TMEM170A: variants seen among roughly 807,000 people sequenced by gnomAD.
The protein encoded by TMEM170A is transmembrane protein 170.
A neutral mutation model predicts 12.8 loss-of-function variants in TMEM170A; 18 were observed. The observed-to-expected ratio is 1.41, with a 90% CI of 0.97 to 2.09. TMEM170A has a LOEUF of 2.09. Among genes scored for constraint, TMEM170A ranks in the 30% most tolerant of loss-of-function variants. The probability of loss-of-function intolerance (pLI) is 0.00; values close to 1 mark genes in which losing one functional copy is unlikely to be tolerated. For synonymous variants in TMEM170A, 107 were observed against 76.2 expected (o/e 1.40, Z -2.11); for missense variants, 220 against 179.9 (o/e 1.22, Z -1.28).
rs532067971 is a variant in TMEM170A, at chr16:75,446,308, T to C, written c.*1250A>G. ...AGGTGGAAAGGATCACATTAAATAC[T>C]TAATTTCTGCGATTCTTTCCCTCTC... On this transcript the variant is annotated 3_prime_UTR_variant, in exon 3 of 3. Coordinates refer to ENST00000561878, the MANE Select transcript of TMEM170A (RefSeq NM_145254.3). 2.2e-4 allele frequency: 34 copies of C among 152,328 alleles called. No individual in the cohort carries two copies. The highest frequency in any genetic ancestry group is 8.2e-4 in the African/African-American group (34 of 41,584). 9.4% of individuals were successfully genotyped at this position (152,328 alleles called of 1,614,324 possible).
At position 75,443,832 on chromosome 16, in the gene TMEM170A, T is replaced by C. The variant is rs1037422492; in HGVS notation, c.*3726A>G. ...GGCCAAGCATGATGGCTCATGTCTA[T>C]AGTCCCATCACGTTGGGAGGCCGAG... On this transcript the variant is annotated 3_prime_UTR_variant, in exon 3 of 3. Coordinates refer to ENST00000561878, the MANE Select transcript of TMEM170A (RefSeq NM_145254.3). The C allele has an allele frequency of 2.0e-5, 3 of 152,238 alleles. No homozygotes were observed. The highest frequency in any genetic ancestry group is 2.4e-5 in the African/African-American group (1 of 41,464). The allele number at this position is 152,238 out of a possible 1,614,324, so 9.4% of individuals were successfully genotyped here.
At chr16:75,451,936 C>G (rs1375032913) in intron 1 of TMEM170A, 97 bp from the exon 2 acceptor site, 1 of 1,136,098 alleles carries the variant, frequency 8.8e-7, no homozygotes, top group East Asian at 2.7e-5. Context: ...ATTTTCAACA[C>G]CGTTTCTTTT....
In TMEM170A at chr16:75,451,670, TG is replaced by T; in HGVS notation, c.302del (p.Thr101LysfsTer16). 6.2e-7 allele frequency: 1 copy of T among 1,614,174 alleles called. No individual in the cohort carries two copies. Among genetic ancestry groups the T allele is most frequent in the Non-Finnish European group, 8.5e-7 (1 of 1,180,016 alleles). The part of the protein sequence containing the change: ...IVGPITAGIL[T>X]SAAIAGVYRA... ...CTGGTATTTTAATGTCTAACATACTTGTCAAGATTCCAGCAGTAATTGGTCC... is the reference window on the plus strand; with the variant it reads ...CTGGTATTTTAATGTCTAACATACTTTCAAGATTCCAGCAGTAATTGGTCC... On this transcript the variant is annotated frameshift_variant and splice_region_variant, in exon 2 of 3. Transcript: ENST00000561878. LOFTEE classifies it high-confidence loss of function.
chr16:75,463,614 C>A (rs895314671), intron 1 of TMEM170A, among the ~76,000 whole-genome samples: 43 of 152,216 alleles, frequency 2.8e-4, no homozygotes, highest in Admixed American at 1.8e-3. Context: ...GACCTCAGTC[C>A]CCTCTGCTGG....
At position 75,445,451 on chromosome 16, in the gene TMEM170A, G is replaced by A. The variant is rs8054557; in HGVS notation, c.*2107C>T. ...TAGCCTCTTGGGTAGCTGAGGCCACGCCCAGCTAATTTTTTTTTATTTTGT... is the reference window on the plus strand; with the variant it reads ...TAGCCTCTTGGGTAGCTGAGGCCACACCCAGCTAATTTTTTTTTATTTTGT... On this transcript the variant is annotated 3_prime_UTR_variant, in exon 3 of 3. Transcript: ENST00000561878. The A allele has an allele frequency of 0.21, 31,954 of 151,976 alleles. 3,657 individuals are homozygous for A. Among genetic ancestry groups the A allele is most frequent in the African/African-American group, 0.28 (11,489 of 41,432 alleles). 9.4% of individuals were successfully genotyped at this position (151,976 alleles called of 1,614,324 possible). A position where few individuals can be genotyped will look rare whatever the true frequency, so the allele number is the denominator to read the frequency against.
Position 75,447,632 on chromosome 16 carries a change from C to T in TMEM170A, c.361G>A (p.Ala121Thr). ...GTCTGTCCAGTGCCCAGTGTGAGGG[C>T]TTCAAATGGTATCATTTCCTTCCCT... is the stretch of plus-strand genomic sequence containing the variant. ...AAGKEMIPFE[A>T]LTLGTGQTFC... is the part of the protein sequence containing the mutation. The change falls in exon 3 of 3, where the codon GCC becomes ACC. Residue 121 changes from alanine (A) to threonine (T), a missense_variant. Ala to Thr is a moderately conservative substitution (Grantham distance 58, BLOSUM62 0). Transcript: ENST00000561878. 6.2e-7 allele frequency: 1 copy of T among 1,612,240 alleles called. No homozygotes were observed. Among genetic ancestry groups the T allele is most frequent in the East Asian group, 2.2e-5 (1 of 44,752 alleles).
At chr16:75,461,888 A>C (rs565780902) in intron 1 of TMEM170A, among the ~76,000 whole-genome samples, 7 of 152,226 alleles carry the variant, frequency 4.6e-5, no homozygotes, top group South Asian at 2.1e-4. Flanking sequence ...TCTGAAAGTA[A>C]AACAATTCAC....
intron 1 of TMEM170A, among the ~76,000 whole-genome samples, chr16:75,463,421 C>G (rs993453689): frequency 6.6e-6 from 1 of 152,114 alleles, no homozygotes; most frequent in Admixed American, 6.6e-5. Flanking sequence ...TGACCTTACC[C>G]GCTACTTCAC....
chr16:75,464,678 C>T lies in TMEM170A; in HGVS notation c.-78G>A, dbSNP rs1303795433. The T allele has an allele frequency of 9.3e-6, 14 of 1,509,128 alleles. No homozygotes were observed. In the East Asian group the frequency reaches 2.5e-4, roughly 27 times the overall value. The allele number at this position is 1,509,128 out of a possible 1,614,324, so 93.5% of individuals were successfully genotyped here. ...GCGGCCGGCGCCGACTCACCCTCGC[C>T]GCCTCAGCGTCACCTCCAGCCGGGG... On this transcript the variant is annotated 5_prime_UTR_variant, in exon 1 of 3. Coordinates refer to ENST00000561878, the MANE Select transcript of TMEM170A (RefSeq NM_145254.3).
chr16:75,451,618 T>G (rs928629855), intron 2 of TMEM170A, 51 bp downstream of exon 2: 1 of 1,582,266 alleles, frequency 6.3e-7, no homozygotes, highest in Non-Finnish European at 8.7e-7. Flanking sequence ...GGTCCTGAAA[T>G]TGACTAGTCA....
intron 1 of TMEM170A, among the ~76,000 whole-genome samples, chr16:75,454,634 C>G (rs2079753287): frequency 6.6e-6 from 1 of 151,788 alleles, no homozygotes; most frequent in South Asian, 2.1e-4. Context: ...CACTCCGTCT[C>G]AAAAAAATAA....
At chr16:75,455,110 C>T (rs1465579751) in intron 1 of TMEM170A, among the ~76,000 whole-genome samples, 1 of 152,198 alleles carries the variant, frequency 6.6e-6, no homozygotes, top group Admixed American at 6.5e-5. Context: ...GTAATCCCAG[C>T]ACTCTGGGAG....
chr16:75,460,991 G>A (rs775979335), intron 1 of TMEM170A, among the ~76,000 whole-genome samples: 15 of 152,136 alleles, frequency 9.9e-5, no homozygotes, highest in Admixed American at 5.9e-4. Flanking sequence ...TTTGAGGTTT[G>A]TTAAAAATGA....
In TMEM170A at chr16:75,447,490, C is replaced by G; in HGVS notation, c.*68G>C. 6.6e-7 allele frequency: 1 copy of G among 1,520,018 alleles called. No individual in the cohort carries two copies. The highest frequency in any genetic ancestry group is 2.2e-5 in the Admixed American group (1 of 45,618). The allele number at this position is 1,520,018 out of a possible 1,614,324, so 94.2% of individuals were successfully genotyped here. ...TTTGAAGAACTAAGAAAACACTACA[C>G]TCCATAATGTATTCTTTTGGAGGAT... is the stretch of plus-strand genomic sequence containing the variant. On this transcript the variant is annotated 3_prime_UTR_variant, in exon 3 of 3. Coordinates refer to ENST00000561878, the MANE Select transcript of TMEM170A (RefSeq NM_145254.3).
chr16:75,451,138 A>G (rs2079673622), intron 2 of TMEM170A, among the ~76,000 whole-genome samples: 1 of 152,188 alleles, frequency 6.6e-6, no homozygotes, highest in Non-Finnish European at 1.5e-5. Context: ...CTCACGAGAT[A>G]TATCTCACAA....
chr16:75,445,631 G>A lies in TMEM170A; in HGVS notation c.*1927C>T. 6.6e-6 allele frequency: 1 copy of A among 151,792 alleles called. No homozygotes were observed. The highest frequency in any genetic ancestry group is 1.9e-4 in the East Asian group (1 of 5,172). The allele number at this position is 151,792 out of a possible 1,614,324, so 9.4% of individuals were successfully genotyped here. On this transcript the variant is annotated 3_prime_UTR_variant, in exon 3 of 3. Transcript: ENST00000561878. ...CTAATTAGTCAAAAGAATATGTCCA[G>A]TTTTTGTGATCTCTTTGTAATTCTT...
chr16:75,452,607 G>A (rs2079710177), intron 1 of TMEM170A: 1 of 151,984 alleles, frequency 6.6e-6, no homozygotes, highest in African/African-American at 2.4e-5. Context: ...CACTGCGCTT[G>A]GCCTGTATTT....
At chr16:75,449,271 A>G (rs548918105) in intron 2 of TMEM170A, among the ~76,000 whole-genome samples, 1 of 152,192 alleles carries the variant, frequency 6.6e-6, no homozygotes, top group East Asian at 1.9e-4. Context: ...CTGGGGACAC[A>G]AGACAGAAAC....
chr16:75,463,973 G>A (rs1311278706), intron 1 of TMEM170A, among the ~76,000 whole-genome samples: 1 of 152,244 alleles, frequency 6.6e-6, no homozygotes, highest in African/African-American at 2.4e-5. Context: ...CCAGGCGCCC[G>A]CGATCAGCGA....
Sources: allele counts gnomAD v4.1 joint callset (sites outside exome capture counted in the v4.1 genomes callset), GRCh38; gene constraint gnomAD v4.1.1; transcripts MANE v1.5; gene names NCBI Gene and HGNC (gene_info 2026-07-23, HGNC 2026-07-21).